TFEC: variants seen among roughly 807,000 people sequenced by gnomAD.
TFEC encodes the protein class E basic helix-loop-helix protein 34.
A neutral mutation model predicts 41.6 loss-of-function variants in TFEC; 31 were observed. The ratio of observed to expected loss-of-function variants is 0.74; its 90% CI spans 0.56 to 1.01. The LOEUF (loss-of-function observed/expected upper bound fraction) is 1.01. Among genes scored for constraint, TFEC ranks in the 50% least tolerant of loss-of-function variants. The probability of loss-of-function intolerance (pLI) is 0.00; values close to 1 mark genes in which losing one functional copy is unlikely to be tolerated. For synonymous variants in TFEC, 143 were observed against 140.6 expected, an observed-to-expected ratio of 1.02 and a Z score of -0.12; for missense variants, 402 against 404.1, an observed-to-expected ratio of 0.99 and a Z score of 0.04.
intron 3 of TFEC, among the ~76,000 whole-genome samples, chr7:116,051,169 G>A (rs1305751870): frequency 6.6e-6 from 1 of 152,112 alleles, no homozygotes; most frequent in African/African-American, 2.4e-5. Flanking sequence ...AAGGGGGAGG[G>A]ATAGCATTAG....
At chr7:116,158,428 G>A (rs561855653) in intron 1 of TFEC, among the ~76,000 whole-genome samples, 12 of 152,178 alleles carry the variant, frequency 7.9e-5, no homozygotes, top group African/African-American at 2.9e-4. Flanking sequence ...AACATCTGAA[G>A]CATGAATTCC....
At chr7:116,140,713 A>G (rs767483720) in intron 1 of TFEC, among the ~76,000 whole-genome samples, 1 of 152,194 alleles carries the variant, frequency 6.6e-6, no homozygotes, top group Non-Finnish European at 1.5e-5. Context: ...GGTTAAAACT[A>G]TCTTCAATTT....
At position 115,940,926 on chromosome 7, in the gene TFEC, T is replaced by C. The variant is rs1474234702; in HGVS notation, c.669A>G (p.Leu223=). ...GACCATGAGTACGAGCCTGAATTTCTAGTTCCTGTAATTTCAAACGAAAAT... is the reference window on the plus strand; with the variant it reads ...GACCATGAGTACGAGCCTGAATTTCCAGTTCCTGTAATTTCAAACGAAAAT... ...NRRLLLRIQE[L]EIQARTHGLP... The change falls in exon 8 of 8, where the codon CTA becomes CTG. Residue 223 remains leucine (L), a synonymous_variant. Transcript: ENST00000265440. 6.4e-7 allele frequency: 1 copy of C among 1,563,942 alleles called. No individual in the cohort carries two copies. The highest frequency in any genetic ancestry group is 8.7e-7 in the Non-Finnish European group (1 of 1,152,172).
chr7:116,130,162 T>C (rs116788412), intron 1 of TFEC, among the ~76,000 whole-genome samples: 3,280 of 151,884 alleles, frequency 0.022, 121 homozygotes, highest in African/African-American at 0.074. Context: ...GATTAACCAA[T>C]TGTGGGGTGT....
chr7:116,035,920 G>A (rs1318058869), intron 3 of TFEC, among the ~76,000 whole-genome samples: 2 of 151,732 alleles, frequency 1.3e-5, no homozygotes, highest in Non-Finnish European at 2.9e-5. Flanking sequence ...TTTTAAATGT[G>A]GCTCAGAAAA....
intron 3 of TFEC, among the ~76,000 whole-genome samples, chr7:116,084,676 A>G (rs1797162980): frequency 6.6e-6 from 1 of 151,924 alleles, no homozygotes; most frequent in African/African-American, 2.4e-5. Context: ...TGAAAAATAA[A>G]TAATCATGTA....
At chr7:115,992,771 A>T (rs943827503) in intron 1 of TFEC, among the ~76,000 whole-genome samples, 1 of 152,214 alleles carries the variant, frequency 6.6e-6, no homozygotes, top group African/African-American at 2.4e-5. Flanking sequence ...ATTCTACCAG[A>T]GGTACAAAGA....
intron 1 of TFEC, among the ~76,000 whole-genome samples, chr7:116,143,923 GAA>G (rs1344922066): frequency 2.0e-5 from 3 of 152,134 alleles, no homozygotes; most frequent in African/African-American, 7.2e-5. Flanking sequence ...CAGCTATTAA[GAA>G]AAGGTAGAGC....
At chr7:116,047,187 T>C (rs539084498) in intron 3 of TFEC, among the ~76,000 whole-genome samples, 10 of 152,070 alleles carry the variant, frequency 6.6e-5, no homozygotes, top group Middle Eastern at 6.8e-3. Context: ...GTGTAGCCCA[T>C]GGAGCAGGGC....
intron 1 of TFEC, among the ~76,000 whole-genome samples, chr7:115,998,824 T>C (rs943693448): frequency 9.3e-5 from 14 of 149,842 alleles, no homozygotes; most frequent in African/African-American, 3.2e-4. Context: ...AGCATCCAGA[T>C]ATATAAAACA....
intron 3 of TFEC, among the ~76,000 whole-genome samples, chr7:116,044,904 A>G (rs1408009238): frequency 6.6e-6 from 1 of 152,212 alleles, no homozygotes; most frequent in African/African-American, 2.4e-5. Flanking sequence ...TAGAAGAGGG[A>G]CGAAATTAGA....
At chr7:116,126,638 T>A (rs953906037) in intron 1 of TFEC, among the ~76,000 whole-genome samples, 5 of 151,986 alleles carry the variant, frequency 3.3e-5, no homozygotes, top group African/African-American at 9.7e-5. Flanking sequence ...ATTATTAAAT[T>A]AGTAATTAGG....
At chr7:116,095,836 A>G (rs982981760) in intron 3 of TFEC, among the ~76,000 whole-genome samples, 1 of 151,164 alleles carries the variant, frequency 6.6e-6, no homozygotes, top group Non-Finnish European at 1.5e-5. Context: ...TTTTTTTCTC[A>G]TCCACTACTC....
At chr7:116,013,633 T>C (rs1055407654) in intron 1 of TFEC, among the ~76,000 whole-genome samples, 2 of 152,162 alleles carry the variant, frequency 1.3e-5, no homozygotes, top group African/African-American at 4.8e-5. Context: ...GTGAACTAAA[T>C]TGCATGTATT....
chr7:115,965,906 C>A, intron 3 of TFEC, among the ~76,000 whole-genome samples: 1 of 151,396 alleles, frequency 6.6e-6, no homozygotes, highest in East Asian at 1.9e-4. Context: ...TCAGATATGA[C>A]TTTTTTTAAG....
intron 1 of TFEC, among the ~76,000 whole-genome samples, chr7:116,123,164 A>C (rs1021194431): frequency 6.6e-6 from 1 of 152,176 alleles, no homozygotes; most frequent in African/African-American, 2.4e-5. Context: ...CAAGTTACCA[A>C]CTAACAAAGA....
At chr7:116,036,535 G>GTA (rs1795914437) in intron 3 of TFEC, among the ~76,000 whole-genome samples, 2 of 152,146 alleles carry the variant, frequency 1.3e-5, no homozygotes, top group South Asian at 4.1e-4. Context: ...ATAGTAGAGA[G>GTA]TATATATTAA....
At chr7:116,041,621 T>G (rs1303756886) in intron 3 of TFEC, among the ~76,000 whole-genome samples, 10 of 152,308 alleles carry the variant, frequency 6.6e-5, no homozygotes, top group Admixed American at 6.5e-4. Flanking sequence ...CAAGTAATGG[T>G]GTGCTCAGAA....
At chr7:115,966,824 A>G (rs1792876783) in intron 3 of TFEC, among the ~76,000 whole-genome samples, 1 of 151,720 alleles carries the variant, frequency 6.6e-6, no homozygotes. Context: ...TTCAATAAGC[A>G]TCCAAATCTA....
Sources: gnomAD v4.1 joint callset for allele counts (sites outside exome capture counted in the v4.1 genomes callset) on GRCh38, gnomAD v4.1.1 for gene constraint, MANE v1.5 for transcripts, NCBI Gene and HGNC (gene_info 2026-07-23, HGNC 2026-07-21) for gene names.